Variants in ARHGEF3 observed in about 807,000 individuals in gnomAD.
The protein encoded by ARHGEF3 is 59.8 kDA protein.
A neutral mutation model predicts 63.2 loss-of-function variants in ARHGEF3; 28 were observed. That is an observed-to-expected ratio of 0.44 (90% CI 0.33 to 0.61). The LOEUF (loss-of-function observed/expected upper bound fraction) is 0.61. Ranked by LOEUF, ARHGEF3 falls within the 20% of genes least tolerant of loss-of-function variation. The probability of loss-of-function intolerance (pLI) is 0.03; values close to 1 mark genes in which losing one functional copy is unlikely to be tolerated. For synonymous variants in ARHGEF3, 266 were observed against 254.2 expected (o/e 1.05, Z -0.44); for missense variants, 533 against 659.3 (o/e 0.81, Z 2.10).
chr3:56,925,206 A>G (rs1430752298), intron 3 of ARHGEF3, among the ~76,000 whole-genome samples: 3 of 152,236 alleles, frequency 2.0e-5, no homozygotes, highest in Non-Finnish European at 4.4e-5. Context: ...GCCACAGCCT[A>G]CAACCAGCAT....
chr3:56,844,904 G>C (rs746533835), intron 4 of ARHGEF3, among the ~76,000 whole-genome samples: 1 of 152,132 alleles, frequency 6.6e-6, no homozygotes, highest in Non-Finnish European at 1.5e-5. Flanking sequence ...TATAGAACAT[G>C]GCAAGATGAC....
intron 3 of ARHGEF3, among the ~76,000 whole-genome samples, chr3:56,923,343 A>G (rs1173723133): frequency 6.6e-6 from 1 of 152,070 alleles, no homozygotes; most frequent in Non-Finnish European, 1.5e-5. Flanking sequence ...AGGCACAGTA[A>G]TAATTTATTT....
chr3:57,001,396 T>C (rs980113345), intron 2 of ARHGEF3, among the ~76,000 whole-genome samples: 5 of 152,226 alleles, frequency 3.3e-5, no homozygotes, highest in Admixed American at 6.5e-5. Flanking sequence ...TCAGAGTTTT[T>C]TGCCATTTGT....
chr3:56,962,224 A>T lies in ARHGEF3; in HGVS notation c.63-3335T>A, dbSNP rs1385492963. Among the ~76,000 whole-genome samples the T allele has an allele frequency of 1.3e-5, 2 of 152,228 alleles. 1 individual carries two copies. Among genetic ancestry groups the T allele is most frequent in the South Asian group, 4.1e-4 (2 of 4,832 alleles). The stretch of plus-strand genomic sequence containing the variant: ...GAAGCTGGTGAAGGATCCTAGCAGC[A>T]TAAAGTGCACCATCACGGAAGCACC... On this transcript the variant is annotated intron_variant, in intron 2 of 12. Coordinates refer to the ARHGEF3 transcript ENST00000338458.
chr3:56,811,905 T>C (rs550817081), intron 4 of ARHGEF3, among the ~76,000 whole-genome samples: 7 of 152,280 alleles, frequency 4.6e-5, no homozygotes, highest in Non-Finnish European at 7.4e-5. Flanking sequence ...AATCCTTGTT[T>C]TGTGCCCTCA....
chr3:57,015,579 G>A (rs904968831), intron 2 of ARHGEF3, among the ~76,000 whole-genome samples: 31 of 151,188 alleles, frequency 2.1e-4, no homozygotes, highest in Admixed American at 4.6e-4. Context: ...GACTGCAGGC[G>A]GACACCACCA....
chr3:56,860,701 A>AT (rs988744905), intron 4 of ARHGEF3, among the ~76,000 whole-genome samples: 3 of 151,994 alleles, frequency 2.0e-5, no homozygotes, highest in Admixed American at 2.0e-4. Context: ...TACAGATGTA[A>AT]TTTTTTTTCC....
intron 1 of ARHGEF3, among the ~76,000 whole-genome samples, chr3:57,062,245 CTGCTCTAGCGCTGGGTGAG>C (rs1371282090): frequency 6.6e-6 from 1 of 152,252 alleles, no homozygotes; most frequent in East Asian, 1.9e-4. Context: ...CCTGTCCTCA[CTGCTCTAGCGCTGGGTGAG>C]TGCCTTCAAG....
intron 4 of ARHGEF3, among the ~76,000 whole-genome samples, chr3:56,840,560 C>T (rs573609095): frequency 6.6e-6 from 1 of 152,316 alleles, no homozygotes; most frequent in Non-Finnish European, 1.5e-5. Context: ...TGCTGAGGGA[C>T]TCAGCGCAGT....
At chr3:56,945,083 G>A (rs1014458148) in intron 3 of ARHGEF3, among the ~76,000 whole-genome samples, 1 of 152,206 alleles carries the variant, frequency 6.6e-6, no homozygotes, top group African/African-American at 2.4e-5. Flanking sequence ...AAAGGAAAGA[G>A]TCAATCAATG....
At chr3:56,996,212 G>A (rs1383331319) in intron 2 of ARHGEF3, among the ~76,000 whole-genome samples, 1 of 152,128 alleles carries the variant, frequency 6.6e-6, no homozygotes, top group Non-Finnish European at 1.5e-5. Flanking sequence ...CAGGGGGTCT[G>A]CTGAGCCACC....
At chr3:56,796,914 G>T (rs2037397830) in intron 1 of ARHGEF3, among the ~76,000 whole-genome samples, 1 of 152,162 alleles carries the variant, frequency 6.6e-6, no homozygotes, top group African/African-American at 2.4e-5. Flanking sequence ...AGCCCCTAAT[G>T]CACTGCTGTG....
intron 1 of ARHGEF3, among the ~76,000 whole-genome samples, chr3:57,076,508 GC>G (rs1178704728): frequency 1.3e-5 from 2 of 152,102 alleles, no homozygotes; most frequent in Admixed American, 1.3e-4. Context: ...CTGGTTCTCT[GC>G]CCCCTCTCCT....
At chr3:57,063,208 G>C (rs1579197934) in intron 1 of ARHGEF3, among the ~76,000 whole-genome samples, 1 of 152,194 alleles carries the variant, frequency 6.6e-6, no homozygotes, top group African/African-American at 2.4e-5. Flanking sequence ...GATGTGGCTA[G>C]AGTGCGGTTA....
chr3:56,879,779 G>A (rs1480950571), intron 4 of ARHGEF3, among the ~76,000 whole-genome samples: 1 of 151,962 alleles, frequency 6.6e-6, no homozygotes, highest in African/African-American at 2.4e-5. Flanking sequence ...CAAAGATAAA[G>A]TTCCTTTGAG....
At chr3:56,791,357 C>T (rs767501079) in intron 1 of ARHGEF3, among the ~76,000 whole-genome samples, 1 of 152,150 alleles carries the variant, frequency 6.6e-6, no homozygotes. Flanking sequence ...GTGGGAGGAT[C>T]GCTTGAACCT....
At chr3:56,796,813 AC>A (rs2037393099) in intron 1 of ARHGEF3, among the ~76,000 whole-genome samples, 1 of 152,240 alleles carries the variant, frequency 6.6e-6, no homozygotes, top group East Asian at 1.9e-4. Context: ...GAAAGCCACT[AC>A]CCTGTTCTGA....
At chr3:56,966,937 C>T (rs1368072052) in intron 2 of ARHGEF3, among the ~76,000 whole-genome samples, 2 of 150,604 alleles carry the variant, frequency 1.3e-5, no homozygotes, top group Non-Finnish European at 3.0e-5. Context: ...AATCTCTGCT[C>T]ACTGCAACCT....
chr3:56,999,673 T>G (rs1174598465), intron 2 of ARHGEF3, among the ~76,000 whole-genome samples: 1 of 152,130 alleles, frequency 6.6e-6, no homozygotes, highest in African/African-American at 2.4e-5. Context: ...GGTGCACACT[T>G]GTAGTTCCAG....
Sources: gnomAD v4.1 joint callset for allele counts (sites outside exome capture counted in the v4.1 genomes callset) on GRCh38, gnomAD v4.1.1 for gene constraint, MANE v1.5 for transcripts, NCBI Gene and HGNC (gene_info 2026-07-23, HGNC 2026-07-21) for gene names.